RILPL1: variants seen among roughly 807,000 people sequenced by gnomAD.
RILPL1 encodes the protein Rab interacting lysosomal protein like 1.
RILPL1 carries 33 observed loss-of-function variants against 50.3 expected under a neutral mutation model. The observed-to-expected ratio is 0.66, with a 90% CI of 0.50 to 0.88. RILPL1 has a LOEUF of 0.88. Ranked by LOEUF, RILPL1 falls within the 40% of genes least tolerant of loss-of-function variation. The pLI is 0.00. For missense variants in RILPL1, 418 were observed against 542.5 expected, an observed-to-expected ratio of 0.77 and a Z score of 2.28; for synonymous variants, 205 against 228.6, an observed-to-expected ratio of 0.90 and a Z score of 0.93.
At chr12:123,473,790 T>A (rs1680218742) in intron 6 of RILPL1, 1 of 148,944 alleles carries the variant, frequency 6.7e-6, no homozygotes, top group Non-Finnish European at 1.5e-5. Context: ...AAGGCAGAAG[T>A]CATAAGCATA....
chr12:123,477,979 CTG>C (rs1419742537), intron 6 of RILPL1, among the ~76,000 whole-genome samples: 1 of 132,686 alleles, frequency 7.5e-6, no homozygotes, highest in South Asian at 2.5e-4. Context: ...GTTACTCCAT[CTG>C]TATGTCTTTT....
In RILPL1 at chr12:123,486,412, T is replaced by C. The variant is rs2139320174; in HGVS notation, c.802-607A>G. 1.3e-5 allele frequency among the ~76,000 whole-genome samples: 2 copies of C among 152,338 alleles called. 1 individual carries two copies. Among genetic ancestry groups the C allele is most frequent in the East Asian group, 3.9e-4 (2 of 5,192 alleles). On this transcript the variant is annotated intron_variant, in intron 4 of 6. Coordinates refer to ENST00000376874, the MANE Select transcript of RILPL1 (RefSeq NM_178314.5). The stretch of plus-strand genomic sequence containing the variant: ...TGACCAACAGATCCCAGCATCATGC[T>C]AAGTCACCTGCCCCAGGTCACACCC...
Position 123,530,621 on chromosome 12 carries a change from T to C in RILPL1, c.309+2553A>G, listed in dbSNP as rs1261786057. 1.3e-5 allele frequency among the ~76,000 whole-genome samples: 2 copies of C among 152,244 alleles called. 1 individual carries two copies. Among genetic ancestry groups the C allele is most frequent in the African/African-American group, 4.8e-5 (2 of 41,462 alleles). ...AGAACAATGCATGGCACACAGTAGGTTCTCAGTAAATATATTCGCTGAATG... is the reference window on the plus strand; with the variant it reads ...AGAACAATGCATGGCACACAGTAGGCTCTCAGTAAATATATTCGCTGAATG... On this transcript the variant is annotated intron_variant, in intron 1 of 6. Coordinates refer to ENST00000376874, the MANE Select transcript of RILPL1 (RefSeq NM_178314.5).
intron 4 of RILPL1, among the ~76,000 whole-genome samples, chr12:123,496,106 G>C (rs112984907): frequency 6.6e-6 from 1 of 151,728 alleles, no homozygotes; most frequent in East Asian, 1.9e-4. Flanking sequence ...TCCACGTCCC[G>C]GGTTCAAGCA....
chr12:123,506,359 G>A (rs987841939), intron 2 of RILPL1, among the ~76,000 whole-genome samples: 11 of 152,318 alleles, frequency 7.2e-5, no homozygotes, highest in African/African-American at 2.4e-4. Context: ...CTTAAGGCAT[G>A]GGTCAGGGGT....
intron 2 of RILPL1, among the ~76,000 whole-genome samples, chr12:123,513,178 T>A (rs756571129): frequency 3.3e-5 from 5 of 151,834 alleles, no homozygotes; most frequent in Non-Finnish European, 5.9e-5. Context: ...GTGGCGTGTG[T>A]GAGTGGGTGT....
intron 1 of RILPL1, among the ~76,000 whole-genome samples, chr12:123,528,169 C>T (rs1885323534): frequency 6.6e-6 from 1 of 151,854 alleles, no homozygotes; most frequent in Non-Finnish European, 1.5e-5. Flanking sequence ...GAGTCTGCAG[C>T]CAGCCTGGGC....
intron 4 of RILPL1, among the ~76,000 whole-genome samples, chr12:123,493,733 G>A (rs1882842722): frequency 6.6e-6 from 1 of 151,700 alleles, no homozygotes; most frequent in Non-Finnish European, 1.5e-5. Context: ...GTCCACCCTG[G>A]GACACAGGAC....
intron 2 of RILPL1, among the ~76,000 whole-genome samples, chr12:123,509,677 C>T (rs1293360551): frequency 6.6e-6 from 1 of 152,150 alleles, no homozygotes; most frequent in Non-Finnish European, 1.5e-5. Flanking sequence ...CGTATGATTC[C>T]ACTTCCAGGA....
chr12:123,484,312 G>C lies in RILPL1; in HGVS notation c.975-40C>G, dbSNP rs368915890. ...GAGGCGTGAGATAAAAGAGTCAAAA[G>C]TTCCTTGAGAACTGGAACATTCCAG... is the stretch of plus-strand genomic sequence containing the variant. On this transcript the variant is annotated intron_variant, in intron 5 of 6. Transcript: ENST00000376874. 22 of 1,344,330 alleles carry C rather than the reference G, an allele frequency of 1.6e-5. No individual in the cohort carries two copies. In the South Asian group the frequency reaches 2.5e-4, roughly 15 times the overall value. The allele number at this position is 1,344,330 out of a possible 1,614,324, so 83.3% of individuals were successfully genotyped here.
intron 2 of RILPL1, among the ~76,000 whole-genome samples, chr12:123,509,799 C>T (rs1482646796): frequency 6.6e-6 from 1 of 152,240 alleles, no homozygotes; most frequent in Admixed American, 6.5e-5. Context: ...ACACCGCTGC[C>T]CTGTGCACTC....
rs777769232 is a variant in RILPL1 at position 123,498,766 on chromosome 12, CTG to C, written c.580-3_580-2del. 2 of 1,612,016 alleles carry C rather than the reference CTG, an allele frequency of 1.2e-6. No individual in the cohort carries two copies. The highest frequency in any genetic ancestry group is 2.2e-5 in the South Asian group (2 of 91,074). Reference sequence around the variant, plus strand: ...TCAGCCGTGTCTGCTGCTGCTGTAACTGTAGAAAAAGGGAGACCATTGTGCGG... The same window carrying C: ...TCAGCCGTGTCTGCTGCTGCTGTAACTAGAAAAAGGGAGACCATTGTGCGG... On this transcript the variant is annotated splice_acceptor_variant and splice_polypyrimidine_tract_variant and intron_variant, in intron 3 of 6. Coordinates refer to ENST00000376874, the MANE Select transcript of RILPL1 (RefSeq NM_178314.5). LOFTEE classifies it high-confidence loss of function. This position sits in a 1 kb window ranked among gnomAD's most constrained non-coding sequence, Gnocchi z 4.3.
intron 1 of RILPL1, among the ~76,000 whole-genome samples, chr12:123,530,077 T>G (rs1257064359): frequency 1.3e-5 from 2 of 152,128 alleles, no homozygotes; most frequent in Non-Finnish European, 2.9e-5. Flanking sequence ...TATCAAATGA[T>G]AAGTTTTTAT....
At chr12:123,514,933 CTT>C (rs57468238) in intron 2 of RILPL1, among the ~76,000 whole-genome samples, 15,998 of 145,156 alleles carry the variant, frequency 0.11, 2,171 homozygotes, top group African/African-American at 0.32. Context: ...TACATAAATA[CTT>C]TTTTTTTTTT....
intron 2 of RILPL1, among the ~76,000 whole-genome samples, chr12:123,510,130 C>T (rs1011353526): frequency 2.0e-5 from 3 of 152,234 alleles, no homozygotes; most frequent in Admixed American, 6.5e-5. Flanking sequence ...GCAACCAAGC[C>T]GGGCCCCCCG....
intron 4 of RILPL1, among the ~76,000 whole-genome samples, chr12:123,488,790 G>A (rs372128033): frequency 6.6e-6 from 1 of 152,214 alleles, no homozygotes; most frequent in Non-Finnish European, 1.5e-5. Context: ...ATCTGACCCC[G>A]GCCGCCCTCG....
intron 2 of RILPL1, among the ~76,000 whole-genome samples, chr12:123,507,217 C>T (rs1239785966): frequency 2.0e-5 from 3 of 152,130 alleles, no homozygotes; most frequent in Non-Finnish European, 4.4e-5. Flanking sequence ...CCACATGCCT[C>T]AGGAGGAAGA....
At chr12:123,509,563 CAAA>C (rs367583334) in intron 2 of RILPL1, among the ~76,000 whole-genome samples, 11 of 89,432 alleles carry the variant, frequency 1.2e-4, no homozygotes, top group Admixed American at 1.3e-4. Context: ...AACTCCGTCT[CAAA>C]AAAAAAAAAA....
At chr12:123,511,164 GGT>G (rs1243588803) in intron 2 of RILPL1, among the ~76,000 whole-genome samples, 1 of 139,640 alleles carries the variant, frequency 7.2e-6, no homozygotes, top group Admixed American at 7.2e-5. Context: ...GTCTGTGTGT[GGT>G]GTTTGTGTGA....
Sources: allele counts gnomAD v4.1 joint callset (sites outside exome capture counted in the v4.1 genomes callset), GRCh38; gene constraint gnomAD v4.1.1; non-coding constraint Gnocchi (gnomAD v3.1); transcripts MANE v1.5; gene names NCBI Gene and HGNC (gene_info 2026-07-23, HGNC 2026-07-21).